Variants in EFCAB12 observed in about 807,000 individuals in gnomAD.
EFCAB12 encodes EF-hand calcium-binding domain-containing protein 12.
Under a neutral mutation model 53.6 loss-of-function variants are expected in EFCAB12, and 43 were observed. That is an observed-to-expected ratio of 0.80 (90% CI 0.63 to 1.03). The LOEUF is 1.03. EFCAB12 is among the 50% of genes least tolerant of loss of function. EFCAB12 has a pLI of 0.00. For missense variants in EFCAB12, 646 were observed against 730.6 expected, an observed-to-expected ratio of 0.88 and a Z score of 1.34; for synonymous variants, 269 against 289.2, an observed-to-expected ratio of 0.93 and a Z score of 0.71.
intron 1 of EFCAB12, among the ~76,000 whole-genome samples, chr3:129,425,067 T>G (rs569757623): frequency 6.6e-6 from 1 of 152,274 alleles, no homozygotes; most frequent in African/African-American, 2.4e-5. Flanking sequence ...GGAAGCCCAC[T>G]GTGTGTAAAG....
At chr3:129,418,204 T>C (rs2072142574) in intron 3 of EFCAB12, 50 bp downstream of exon 3, 2 of 1,529,338 alleles carry the variant, frequency 1.3e-6, no homozygotes, top group Admixed American at 1.9e-5. Context: ...AGGGAGTACA[T>C]GTACATCCTG....
intron 3 of EFCAB12, among the ~76,000 whole-genome samples, chr3:129,416,850 C>A (rs1248721355): frequency 6.6e-6 from 1 of 152,152 alleles, no homozygotes. Context: ...GGGGGTCTCA[C>A]TGTGTTACCC....
intron 1 of EFCAB12, 141 bp downstream of exon 1, chr3:129,428,299 G>T: frequency 8.6e-7 from 1 of 1,167,882 alleles, no homozygotes; most frequent in Non-Finnish European, 1.2e-6. Context: ...AAATGTACAT[G>T]ACCTGCCCCC....
In EFCAB12 at chr3:129,403,038, C is replaced by T. The variant is rs79548548; in HGVS notation, c.1404-459G>A. On this transcript the variant is annotated intron_variant, in intron 7 of 8. Transcript: ENST00000505956. ...CCTGACAGACATCACTAATCGTTCACGGCACTCTTTCCCACCCAGCCTCCA... is the reference window on the plus strand; with the variant it reads ...CCTGACAGACATCACTAATCGTTCATGGCACTCTTTCCCACCCAGCCTCCA... The T allele has an allele frequency of 1.9e-3, 304 of 162,464 alleles. 2 individuals are homozygous for T. Among genetic ancestry groups the T allele is most frequent in the African/African-American group, 6.7e-3 (276 of 41,460 alleles). 10.1% of individuals were successfully genotyped at this position (162,464 alleles called of 1,614,324 possible).
At position 129,428,374 on chromosome 3, in the gene EFCAB12, C is replaced by T. The variant is rs1195419670; in HGVS notation, c.49+66G>A. On this transcript the variant is annotated intron_variant, in intron 1 of 8. Transcript: ENST00000505956. ...ATATCTGTGGCTGAGTTTTTGCCCT[C>T]ACCCCACTTTCACGCGTCCTTAGGG... 3.2e-6 allele frequency: 5 copies of T among 1,557,236 alleles called. No homozygotes were observed. The Admixed American group carries it at 9.7e-5, about 30-fold the overall frequency.
chr3:129,410,360 C>T (rs572608537), intron 5 of EFCAB12, among the ~76,000 whole-genome samples: 15 of 151,060 alleles, frequency 9.9e-5, no homozygotes, highest in Admixed American at 5.9e-4. Context: ...TCTTTCCCCT[C>T]GGCTGGAGTC....
intron 7 of EFCAB12, 144 bp from the exon 8 acceptor site, chr3:129,402,723 G>A: frequency 1.3e-6 from 1 of 763,318 alleles, no homozygotes; most frequent in Non-Finnish European, 2.1e-6. Context: ...TCCACCTGGG[G>A]TGGACCCTGA....
Position 129,402,477 on chromosome 3 carries a change from C to T in EFCAB12, c.1460+46G>A, listed in dbSNP as rs1190589533. 6 of 1,589,308 alleles carry T rather than the reference C, an allele frequency of 3.8e-6. No individual in the cohort carries two copies. In the South Asian group the frequency reaches 4.5e-5, roughly 12 times the overall value. ...CCAGTTGTCTCAGGCGAAGCTGCCC[C>T]TCCTCCCACCTTCCTTCCTTGTGGA... On this transcript the variant is annotated intron_variant, in intron 8 of 8. Coordinates refer to ENST00000505956, the MANE Select transcript of EFCAB12 (RefSeq NM_207307.3).
At chr3:129,420,716 C>T (rs2072177453) in intron 2 of EFCAB12, among the ~76,000 whole-genome samples, 1 of 151,734 alleles carries the variant, frequency 6.6e-6, no homozygotes, top group Non-Finnish European at 1.5e-5. Context: ...TCCACAAACT[C>T]TTCTGCTTCC....
chr3:129,412,475 T>TAGATAGAC (rs1443719392), intron 4 of EFCAB12: 1 of 130,838 alleles, frequency 7.6e-6, no homozygotes, highest in African/African-American at 2.8e-5. Context: ...GATAGATAGA[T>TAGATAGAC]AGACAGACTG....
At chr3:129,402,780 T>G (rs1469498378) in intron 7 of EFCAB12, 2 of 571,076 alleles carry the variant, frequency 3.5e-6, no homozygotes, top group Non-Finnish European at 6.2e-6. Flanking sequence ...TTGGGTCAGC[T>G]GGACCTACCC....
chr3:129,417,277 A>G (rs1314565418), intron 3 of EFCAB12, among the ~76,000 whole-genome samples: 1 of 145,168 alleles, frequency 6.9e-6, no homozygotes, highest in Non-Finnish European at 1.5e-5. Context: ...GTGAGCCAAG[A>G]TCGCACCACC....
Position 129,411,020 on chromosome 3 carries a change from C to G in EFCAB12, c.1035+138G>C. 3.6e-6 allele frequency: 3 copies of G among 830,600 alleles called. No individual in the cohort carries two copies. In the South Asian group the frequency reaches 5.5e-5, roughly 15 times the overall value. The allele number at this position is 830,600 out of a possible 1,614,324, so 51.5% of individuals were successfully genotyped here. A position where few individuals can be genotyped will look rare whatever the true frequency, so the allele number is the denominator to read the frequency against. ...TTGTTCTTATTTTACAGATGAGGGACGTGAAGAAGGGGTGGTTGTAGAGGC... is the reference window on the plus strand; with the variant it reads ...TTGTTCTTATTTTACAGATGAGGGAGGTGAAGAAGGGGTGGTTGTAGAGGC... On this transcript the variant is annotated intron_variant, in intron 5 of 8. Coordinates refer to ENST00000505956, the MANE Select transcript of EFCAB12 (RefSeq NM_207307.3).
Position 129,415,467 on chromosome 3 carries a change from G to T in EFCAB12, c.682-66C>A, listed in dbSNP as rs181806040. On this transcript the variant is annotated intron_variant, in intron 3 of 8. Coordinates refer to ENST00000505956, the MANE Select transcript of EFCAB12 (RefSeq NM_207307.3). ...CAAACATCCTGCTCTGATGGCCAAG[G>T]CCTTACCAGCCTCCTCAGACCCCCA... 9.5e-3 allele frequency: 15,092 copies of T among 1,582,902 alleles called. 128 individuals are homozygous for T. The highest frequency in any genetic ancestry group is 0.029 in the South Asian group (2,517 of 86,628).
rs777837328 is a variant in EFCAB12, at chr3:129,415,397, C to A, written c.686G>T (p.Gly229Val). The change falls in exon 4 of 9, where the codon GGA (glycine) becomes GTA (valine). Residue 229 changes from glycine (G) to valine (V), a missense_variant. Physicochemically the swap from Gly to Val is moderately radical, Grantham distance 109. Transcript: ENST00000505956. Reference protein sequence around the residue: ...EEFIAAVKAVGVPLKNQEVED... With the variant: ...EEFIAAVKAVVVPLKNQEVED... ...CACCTCTTGGTTCTTCAGAGGGACTCCGACCTGAGGAGAGAGAAGACCTTC... is the reference window on the plus strand; with the variant it reads ...CACCTCTTGGTTCTTCAGAGGGACTACGACCTGAGGAGAGAGAAGACCTTC... The A allele has an allele frequency of 4.3e-6, 7 of 1,613,668 alleles. No individual in the cohort carries two copies. Among genetic ancestry groups the A allele is most frequent in the Non-Finnish European group, 5.1e-6 (6 of 1,179,794 alleles).
intron 3 of EFCAB12, among the ~76,000 whole-genome samples, chr3:129,417,335 A>C (rs544098981): frequency 0.048 from 6,764 of 139,734 alleles, 743 homozygotes; most frequent in East Asian, 0.42. Flanking sequence ...AAAAAAAAAA[A>C]AAAACCAAAA....
intron 1 of EFCAB12, among the ~76,000 whole-genome samples, chr3:129,426,189 C>T (rs1443290917): frequency 6.6e-6 from 1 of 152,032 alleles, no homozygotes; most frequent in Non-Finnish European, 1.5e-5. Context: ...CAGGCTTATA[C>T]CCAGGGTCTC....
At chr3:129,418,839 G>T (rs1355946375) in intron 2 of EFCAB12, among the ~76,000 whole-genome samples, 2 of 152,098 alleles carry the variant, frequency 1.3e-5, no homozygotes, top group African/African-American at 4.8e-5. Context: ...TCTGCTATAG[G>T]CCTCCTGCCT....
chr3:129,407,289 G>A (rs2071965696), intron 6 of EFCAB12, among the ~76,000 whole-genome samples: 1 of 152,172 alleles, frequency 6.6e-6, no homozygotes, highest in African/African-American at 2.4e-5. Context: ...ATAAATTCTT[G>A]TTGTGGAAGC....
Sources: gnomAD v4.1 joint callset for allele counts (sites outside exome capture counted in the v4.1 genomes callset) on GRCh38, gnomAD v4.1.1 for gene constraint, MANE v1.5 for transcripts, NCBI Gene and HGNC (gene_info 2026-07-23, HGNC 2026-07-21) for gene names.